The following INO80D variants were observed in gnomAD, a reference collection of about 807,000 sequenced individuals.
The protein encoded by INO80D is INO80 complex subunit D.
In INO80D, 21 loss-of-function variants were observed where a neutral mutation model predicts 87.6. That is an observed-to-expected ratio of 0.24 (90% CI 0.17 to 0.35). The LOEUF (loss-of-function observed/expected upper bound fraction) is 0.35. INO80D is among the 10% of genes least tolerant of loss of function. The probability of loss-of-function intolerance (pLI) is 1.00; values close to 1 mark genes in which losing one functional copy is unlikely to be tolerated. For missense variants in INO80D, 982 were observed against 1,280.7 expected (o/e 0.77, Z 3.56); for synonymous variants, 440 against 491.0 (o/e 0.90, Z 1.37).
Position 206,005,332 on chromosome 2 carries a change from C to T in INO80D, c.2120G>A (p.Arg707Gln), listed in dbSNP as rs775445232. ...CTCCCCTAGGTCTGTGTTCACCTCT[C>T]GGCTCAAGGATTGTATTCCTGAAGC... ...TGASGIQSLS[R>Q]EVNTDLGELL... Residue 707 changes from arginine (R) to glutamine (Q), a missense_variant, in exon 11 of 11, where the codon CGA becomes CAA. Arg to Gln is a conservative substitution (Grantham distance 43, BLOSUM62 1). Transcript: ENST00000403263. The T allele has an allele frequency of 9.9e-6, 16 of 1,613,848 alleles. No individual in the cohort carries two copies. In the Admixed American group the frequency reaches 1.5e-4, roughly 15 times the overall value.
chr2:206,078,846 G>A (rs546338747), intron 1 of INO80D, among the ~76,000 whole-genome samples: 3 of 152,092 alleles, frequency 2.0e-5, no homozygotes, highest in South Asian at 4.2e-4. Flanking sequence ...CGGGAGGCTG[G>A]GGCAGAGAAT....
At chr2:206,050,697 G>A (rs1316902480) in intron 4 of INO80D, among the ~76,000 whole-genome samples, 5 of 150,972 alleles carry the variant, frequency 3.3e-5, no homozygotes, top group African/African-American at 9.7e-5. Context: ...CGCCGGGCGC[G>A]GTGGCTCACG....
At chr2:206,006,284 G>A (rs1203988466) in intron 10 of INO80D, among the ~76,000 whole-genome samples, 1 of 152,152 alleles carries the variant, frequency 6.6e-6, no homozygotes, top group Non-Finnish European at 1.5e-5. Flanking sequence ...TCCCCTGAAA[G>A]CATGGGGGAA....
In INO80D at chr2:206,062,280, T is replaced by C. The variant is rs146042530; in HGVS notation, c.218+519A>G. Among the ~76,000 whole-genome samples, 146 of 152,308 alleles carry C rather than the reference T, an allele frequency of 9.6e-4. No individual in the cohort carries two copies. Among genetic ancestry groups the C allele is most frequent in the African/African-American group, 3.3e-3 (137 of 41,578 alleles). The stretch of plus-strand genomic sequence containing the variant: ...AGGAAATAAATCTAACTGATTCAAG[T>C]AGTTTTTTAAAATTTTCTTCAGTAA... On this transcript the variant is annotated intron_variant, in intron 3 of 10. Transcript: ENST00000403263. The surrounding 1 kb of genome is among the most constrained non-coding windows in gnomAD (Gnocchi z 4.6).
intron 1 of INO80D, among the ~76,000 whole-genome samples, chr2:206,084,160 G>A (rs780528056): frequency 1.9e-4 from 28 of 151,028 alleles, no homozygotes; most frequent in Non-Finnish European, 3.7e-4. Flanking sequence ...ACGTGTGTGT[G>A]TATGAATATA....
intron 4 of INO80D, among the ~76,000 whole-genome samples, chr2:206,051,545 C>A (rs1689371530): frequency 6.6e-6 from 1 of 152,128 alleles, no homozygotes; most frequent in South Asian, 2.1e-4. Context: ...TGAACGAATA[C>A]TCAACTATAT....
At position 206,025,542 on chromosome 2, in the gene INO80D, A is replaced by AATATATATATATATATATAT. The variant is rs1553616186; in HGVS notation, c.1298+2549_1298+2568dup. ...AAACTCCATCTCAAAAAAAAAAAAA[A>AATATATATATATATATATAT]ATATATATATATATATATATATATA... On this transcript the variant is annotated intron_variant, in intron 6 of 10. Coordinates refer to ENST00000403263, the MANE Select transcript of INO80D (RefSeq NM_017759.5). 78 of 76,888 alleles carry AATATATATATATATATATAT rather than the reference A, an allele frequency of 1.0e-3. 1 individual carries two copies. The highest frequency in any genetic ancestry group is 1.3e-3 in the Non-Finnish European group (52 of 39,146). The allele number at this position is 76,888 out of a possible 1,614,324, so 4.8% of individuals were successfully genotyped here.
intron 5 of INO80D, among the ~76,000 whole-genome samples, chr2:206,037,601 T>A (rs1025412678): frequency 6.6e-6 from 1 of 152,142 alleles, no homozygotes; most frequent in African/African-American, 2.4e-5. Flanking sequence ...ATGGCTATCA[T>A]TAAAAAGACA....
intron 1 of INO80D, among the ~76,000 whole-genome samples, chr2:206,076,199 T>A (rs1291490534): frequency 1.3e-5 from 2 of 151,644 alleles, no homozygotes. Flanking sequence ...CGACAAAAAA[T>A]AAAATAAATA....
chr2:206,081,275 T>C (rs1283786850), intron 1 of INO80D, among the ~76,000 whole-genome samples: 1 of 152,186 alleles, frequency 6.6e-6, no homozygotes, highest in Non-Finnish European at 1.5e-5. Flanking sequence ...GTTTCTGCTG[T>C]ATGCATACAC....
chr2:206,007,256 T>C lies in INO80D; in HGVS notation c.1918+28A>G, dbSNP rs377151849. 1.2e-3 allele frequency: 1,878 copies of C among 1,595,578 alleles called. 5 individuals carry two copies. Among genetic ancestry groups the C allele is most frequent in the South Asian group, 2.2e-3 (192 of 87,970 alleles). ...CTTATAAACTCATTTTTAAAACCAGTTTCCTTGAGTCAAAATATTGACTAT... is the reference window on the plus strand; with the variant it reads ...CTTATAAACTCATTTTTAAAACCAGCTTCCTTGAGTCAAAATATTGACTAT... On this transcript the variant is annotated intron_variant, in intron 10 of 10. Coordinates refer to ENST00000403263, the MANE Select transcript of INO80D (RefSeq NM_017759.5).
intron 6 of INO80D, among the ~76,000 whole-genome samples, chr2:206,024,201 T>C (rs1051613780): frequency 2.0e-5 from 3 of 152,230 alleles, no homozygotes; most frequent in East Asian, 1.9e-4. Flanking sequence ...TTATTCAATT[T>C]TGTTCACTCG....
In INO80D at chr2:206,085,971, C is replaced by G. The variant is rs1463483206; in HGVS notation, c.-194G>C. ...TGGGCTGACAGATCAGAGTGAGAGGCGCTGGCAATGGACTAGGAAGCTCGG... is the reference window on the plus strand; with the variant it reads ...TGGGCTGACAGATCAGAGTGAGAGGGGCTGGCAATGGACTAGGAAGCTCGG... On this transcript the variant is annotated 5_prime_UTR_variant, in exon 1 of 11. Transcript: ENST00000403263. This position sits in a 1 kb window ranked among gnomAD's most constrained non-coding sequence, Gnocchi z 4.5. 6.6e-6 allele frequency: 1 copy of G among 152,530 alleles called. No homozygotes were observed. The highest frequency in any genetic ancestry group is 2.4e-5 in the African/African-American group (1 of 41,420). The allele number at this position is 152,530 out of a possible 1,614,324, so 9.4% of individuals were successfully genotyped here. A position where few individuals can be genotyped will look rare whatever the true frequency, so the allele number is the denominator to read the frequency against.
At chr2:206,037,882 G>A (rs1688933352) in intron 5 of INO80D, among the ~76,000 whole-genome samples, 1 of 152,118 alleles carries the variant, frequency 6.6e-6, no homozygotes, top group Admixed American at 6.6e-5. Flanking sequence ...ATACATAATG[G>A]AATGCTATTT....
At chr2:206,068,871 C>T (rs869125843) in intron 1 of INO80D, among the ~76,000 whole-genome samples, 3 of 151,646 alleles carry the variant, frequency 2.0e-5, no homozygotes, top group Non-Finnish European at 2.9e-5. Flanking sequence ...TGCTAATTTT[C>T]TGTATTTTTT....
At chr2:206,041,822 T>C (rs887248751) in intron 5 of INO80D, among the ~76,000 whole-genome samples, 9 of 152,120 alleles carry the variant, frequency 5.9e-5, no homozygotes, top group Admixed American at 1.3e-4. Flanking sequence ...AAATAGCCCA[T>C]AGATCAAACA....
intron 1 of INO80D, among the ~76,000 whole-genome samples, chr2:206,073,537 C>T (rs1018675455): frequency 2.6e-5 from 4 of 151,832 alleles, no homozygotes; most frequent in African/African-American, 9.7e-5. Flanking sequence ...TTTTCTGAGA[C>T]AGGGTCTTGC....
chr2:206,046,440 C>G, intron 5 of INO80D, 64 bp downstream of exon 5: 3 of 1,135,090 alleles, frequency 2.6e-6, no homozygotes, highest in Non-Finnish European at 4.0e-6. Flanking sequence ...TGCACTCCAG[C>G]CTGGGTGACA....
chr2:205,997,284 T>C lies in INO80D; in HGVS notation c.*7084A>G, dbSNP rs1008501254. ...TGAATCAGGGGTAGCACAATTTTCC[T>C]ATAGCTGAAATATGGGGATGGGAGC... On this transcript the variant is annotated 3_prime_UTR_variant, in exon 11 of 11. Coordinates refer to ENST00000403263, the MANE Select transcript of INO80D (RefSeq NM_017759.5). 6.6e-6 allele frequency: 1 copy of C among 152,060 alleles called. No individual in the cohort carries two copies. The highest frequency in any genetic ancestry group is 1.5e-5 in the Non-Finnish European group (1 of 67,964). The allele number at this position is 152,060 out of a possible 1,614,324, so 9.4% of individuals were successfully genotyped here. A position where few individuals can be genotyped will look rare whatever the true frequency, so the allele number is the denominator to read the frequency against.
Sources: gnomAD v4.1 joint callset for allele counts (sites outside exome capture counted in the v4.1 genomes callset) on GRCh38, gnomAD v4.1.1 for gene constraint, Gnocchi (gnomAD v3.1) non-coding constraint, MANE v1.5 for transcripts, NCBI Gene and HGNC (gene_info 2026-07-23, HGNC 2026-07-21) for gene names.